Variants in CDH13 observed in about 807,000 individuals in gnomAD.
CDH13 encodes cadherin-13.
A neutral mutation model predicts 63.8 loss-of-function variants in CDH13; 24 were observed. The observed-to-expected ratio is 0.38, with a 90% confidence interval of 0.27 to 0.53. The LOEUF is 0.53. Among genes scored for constraint, CDH13 ranks in the 20% least tolerant of loss-of-function variants. CDH13 has a pLI of 0.85. For synonymous variants in CDH13, 503 were observed against 355.3 expected, an observed-to-expected ratio of 1.42 and a Z score of -4.67; for missense variants, 1,049 against 903.1, an observed-to-expected ratio of 1.16 and a Z score of -2.07.
chr16:83,372,749 T>TCAAAAAAA (rs1555537364), intron 6 of CDH13, among the ~76,000 whole-genome samples: 1 of 95,574 alleles, frequency 1.0e-5, no homozygotes, highest in Non-Finnish European at 2.0e-5. Context: ...AGACTCGGTC[T>TCAAAAAAA]AAAAAAAAAA....
chr16:83,300,471 G>A (rs545657866), intron 5 of CDH13, among the ~76,000 whole-genome samples: 58 of 152,308 alleles, frequency 3.8e-4, no homozygotes, highest in African/African-American at 1.3e-3. Flanking sequence ...CAAATTTAAA[G>A]ACAAATGAAC....
intron 1 of CDH13, among the ~76,000 whole-genome samples, chr16:82,659,782 GCCA>G (rs749538423): frequency 1.4e-4 from 22 of 152,112 alleles, no homozygotes; most frequent in Non-Finnish European, 3.1e-4. Flanking sequence ...TGGCATGGTG[GCCA>G]CTTTGGGCAG....
intron 2 of CDH13, among the ~76,000 whole-genome samples, chr16:82,886,899 A>T (rs1233828977): frequency 6.6e-6 from 1 of 152,170 alleles, no homozygotes; most frequent in African/African-American, 2.4e-5. Flanking sequence ...CACTCTGCTC[A>T]TTGAAGAAAA....
chr16:83,623,596 G>T (rs1968260), intron 8 of CDH13, among the ~76,000 whole-genome samples: 1 of 151,998 alleles, frequency 6.6e-6, no homozygotes, highest in Non-Finnish European at 1.5e-5. Flanking sequence ...ATAGGAACAG[G>T]TGTCTTTGCT....
chr16:83,146,515 G>A (rs893415767), intron 4 of CDH13, among the ~76,000 whole-genome samples: 1 of 152,246 alleles, frequency 6.6e-6, no homozygotes. Context: ...TGGGGCAGGA[G>A]TAACAGGAAG....
At chr16:83,201,704 C>A (rs1293913531) in intron 4 of CDH13, among the ~76,000 whole-genome samples, 1 of 150,726 alleles carries the variant, frequency 6.6e-6, no homozygotes, top group Non-Finnish European at 1.5e-5. Context: ...GAGACCATCC[C>A]GGCTAACATG....
At chr16:83,549,144 C>T (rs1171723473) in intron 7 of CDH13, among the ~76,000 whole-genome samples, 2 of 152,090 alleles carry the variant, frequency 1.3e-5, no homozygotes, top group East Asian at 1.9e-4. Context: ...ATGTCGTTAA[C>T]GGAGCTTGGT....
intron 1 of CDH13, chr16:82,727,490 C>T (rs192755556): frequency 6.6e-5 from 10 of 152,260 alleles, no homozygotes; most frequent in Admixed American, 6.5e-4. Flanking sequence ...ATATTCAGGT[C>T]TATTGTGATT....
intron 1 of CDH13, among the ~76,000 whole-genome samples, chr16:82,846,243 G>A (rs1183598067): frequency 6.6e-6 from 1 of 152,050 alleles, no homozygotes; most frequent in African/African-American, 2.4e-5. Flanking sequence ...CTGTGACATG[G>A]TCCCAGTCCT....
At chr16:83,148,869 C>CA (rs150630974) in intron 4 of CDH13, among the ~76,000 whole-genome samples, 8,702 of 151,066 alleles carry the variant, frequency 0.058, 369 homozygotes, top group African/African-American at 0.11. Flanking sequence ...CCTTTTTATA[C>CA]AAAAAAAAGG....
intron 4 of CDH13, among the ~76,000 whole-genome samples, chr16:83,189,708 T>C (rs1212371114): frequency 1.3e-5 from 2 of 152,158 alleles, no homozygotes; most frequent in Non-Finnish European, 2.9e-5. Context: ...GCTGCATCCT[T>C]CTAGCACTGT....
chr16:83,171,438 G>C (rs1567473229), intron 4 of CDH13: 2 of 1,183,170 alleles, frequency 1.7e-6, no homozygotes, highest in Non-Finnish European at 2.4e-6. Context: ...TGAGGACACA[G>C]ATCCAAACCA....
intron 1 of CDH13, among the ~76,000 whole-genome samples, chr16:82,785,785 AC>A (rs1466489711): frequency 2.0e-5 from 3 of 152,252 alleles, no homozygotes; most frequent in African/African-American, 7.2e-5. Flanking sequence ...AAGTCGCGGT[AC>A]CGCAAAAGAA....
At chr16:83,482,942 G>A (rs541290100) in intron 6 of CDH13, among the ~76,000 whole-genome samples, 2 of 152,120 alleles carry the variant, frequency 1.3e-5, no homozygotes, top group Non-Finnish European at 2.9e-5. Context: ...GCCATAATTG[G>A]CTCAGAACCC....
At chr16:83,279,369 G>C (rs957184421) in intron 5 of CDH13, among the ~76,000 whole-genome samples, 1 of 152,132 alleles carries the variant, frequency 6.6e-6, no homozygotes, top group African/African-American at 2.4e-5. Context: ...TCACAATGCC[G>C]AGGGGCTCCT....
chr16:83,448,541 T>C (rs1255276900), intron 6 of CDH13, among the ~76,000 whole-genome samples: 3 of 152,216 alleles, frequency 2.0e-5, no homozygotes, highest in African/African-American at 4.8e-5. Context: ...GGCCTCTTCA[T>C]AGAGCAGCAT....
intron 5 of CDH13, among the ~76,000 whole-genome samples, chr16:83,234,155 G>A (rs997425290): frequency 6.6e-6 from 1 of 152,234 alleles, no homozygotes; most frequent in Non-Finnish European, 1.5e-5. Context: ...CTCATAGGCA[G>A]TGTGTGGCAA....
At chr16:83,706,251 C>G (rs1238354115) in intron 10 of CDH13, among the ~76,000 whole-genome samples, 1 of 152,202 alleles carries the variant, frequency 6.6e-6, no homozygotes, top group Non-Finnish European at 1.5e-5. Context: ...CAAAGGTGAG[C>G]ATCCCAAAAG....
At chr16:83,005,013 G>C (rs1424785453) in intron 2 of CDH13, among the ~76,000 whole-genome samples, 4 of 152,188 alleles carry the variant, frequency 2.6e-5, no homozygotes, top group African/African-American at 9.7e-5. Context: ...ACATTGACTA[G>C]AAGTTTCTCC....
Sources: allele counts gnomAD v4.1 joint callset (sites outside exome capture counted in the v4.1 genomes callset), GRCh38; gene constraint gnomAD v4.1.1; transcripts MANE v1.5; gene names NCBI Gene and HGNC (gene_info 2026-07-23, HGNC 2026-07-21).